The following MPP7 variants were observed in gnomAD, a reference collection of about 807,000 sequenced individuals.
MPP7 encodes the protein MAGUK p55 scaffold protein 7.
In MPP7, 60 loss-of-function variants were observed where a neutral mutation model predicts 76.5. The ratio of observed to expected loss-of-function variants is 0.78; its 90% CI spans 0.64 to 0.97. The LOEUF (loss-of-function observed/expected upper bound fraction) is 0.97, where lower values mean the gene tolerates loss of function less well. Among genes scored for constraint, MPP7 ranks in the 50% least tolerant of loss-of-function variants. MPP7 has a pLI of 0.00. For missense variants in MPP7, 641 were observed against 694.0 expected (o/e 0.92, Z 0.86); for synonymous variants, 237 against 244.5 (o/e 0.97, Z 0.29).
intron 12 of MPP7, among the ~76,000 whole-genome samples, chr10:28,081,603 T>C (rs1479643509): frequency 1.3e-5 from 2 of 152,214 alleles, no homozygotes; most frequent in African/African-American, 4.8e-5. Context: ...CAACTTGGTC[T>C]ATTATTATTT....
At chr10:28,163,461 T>C (rs775522826) in intron 3 of MPP7, among the ~76,000 whole-genome samples, 2 of 152,214 alleles carry the variant, frequency 1.3e-5, no homozygotes, top group Non-Finnish European at 2.9e-5. Flanking sequence ...GCTCACTTTT[T>C]ATTTATTTAA....
chr10:28,179,277 C>T (rs148386523), intron 3 of MPP7, among the ~76,000 whole-genome samples: 3 of 152,062 alleles, frequency 2.0e-5, no homozygotes, highest in Admixed American at 2.0e-4. Context: ...GAAAATACCC[C>T]CTTCTCTGCC....
At chr10:28,123,732 A>G (rs1333827170) in intron 8 of MPP7, among the ~76,000 whole-genome samples, 1 of 151,986 alleles carries the variant, frequency 6.6e-6, no homozygotes, top group African/African-American at 2.4e-5. Flanking sequence ...TCAGCCTCCC[A>G]AAGTGCTGGG....
chr10:28,160,153 T>C (rs1387922424), intron 3 of MPP7, among the ~76,000 whole-genome samples: 6 of 151,270 alleles, frequency 4.0e-5, no homozygotes, highest in Admixed American at 3.3e-4. Flanking sequence ...ACAATCTGCA[T>C]AGACACAGTT....
At chr10:28,231,512 G>A (rs1388547893) in intron 2 of MPP7, among the ~76,000 whole-genome samples, 2 of 150,786 alleles carry the variant, frequency 1.3e-5, no homozygotes, top group Admixed American at 1.3e-4. Flanking sequence ...TAAGAGGAGA[G>A]AGGAAGAGAG....
chr10:28,238,772 G>T, intron 1 of MPP7, 37 bp from the exon 2 acceptor site: 1 of 624,628 alleles, frequency 1.6e-6, no homozygotes, highest in Non-Finnish European at 2.8e-6. Context: ...TTTTAAAAAG[G>T]GACCATCACC....
rs115530749 is a variant in MPP7, at chr10:28,127,695, G to A, written c.448-2604C>T. ...TCCCACCAGGTCCCTCCCACGACAC[G>A]TGGTTATTATGGGAGCTACAAGATG... is the stretch of plus-strand genomic sequence containing the variant. On this transcript the variant is annotated intron_variant, in intron 6 of 16. Transcript: ENST00000683449. Among the ~76,000 whole-genome samples the A allele has an allele frequency of 1.9e-3, 295 of 152,274 alleles. 2 individuals carry two copies. Among genetic ancestry groups the A allele is most frequent in the African/African-American group, 6.7e-3 (280 of 41,542 alleles).
At chr10:28,114,714 C>T (rs1467938622) in intron 11 of MPP7, among the ~76,000 whole-genome samples, 3 of 152,184 alleles carry the variant, frequency 2.0e-5, no homozygotes, top group African/African-American at 4.8e-5. Context: ...TGCAATAATC[C>T]GCAACCACAG....
chr10:28,261,008 A>G (rs1382563075), intron 1 of MPP7, among the ~76,000 whole-genome samples: 1 of 152,194 alleles, frequency 6.6e-6, no homozygotes, highest in South Asian at 2.1e-4. Flanking sequence ...TCTTTACCAA[A>G]GCAATTAGTT....
intron 11 of MPP7, among the ~76,000 whole-genome samples, chr10:28,091,740 A>G (rs7083490): frequency 0.082 from 12,547 of 152,254 alleles, 967 homozygotes; most frequent in African/African-American, 0.2. Context: ...AAATTTTTTA[A>G]CTGTATCTCT....
chr10:28,267,902 G>T (rs1369438169), intron 1 of MPP7, among the ~76,000 whole-genome samples: 2 of 151,974 alleles, frequency 1.3e-5, no homozygotes, highest in Non-Finnish European at 2.9e-5. Flanking sequence ...CGGGCGTGCT[G>T]GTGCATGCCT....
chr10:28,070,267 C>T (rs890837706), intron 12 of MPP7, among the ~76,000 whole-genome samples: 2 of 151,994 alleles, frequency 1.3e-5, no homozygotes, highest in East Asian at 1.9e-4. Context: ...GGCATGGTGG[C>T]GGGTGCCTGT....
intron 12 of MPP7, among the ~76,000 whole-genome samples, chr10:28,078,043 T>A (rs966418166): frequency 1.3e-5 from 2 of 152,232 alleles, no homozygotes; most frequent in African/African-American, 4.8e-5. Flanking sequence ...GTCACACATC[T>A]GGCATGTGGC....
At chr10:28,301,034 G>A (rs1841143600) in intron 1 of MPP7, among the ~76,000 whole-genome samples, 7 of 151,412 alleles carry the variant, frequency 4.6e-5, no homozygotes. Flanking sequence ...AAAACCTAAC[G>A]ATTCTCTAGA....
chr10:28,280,959 C>A (rs1400044199), intron 1 of MPP7, among the ~76,000 whole-genome samples: 1 of 151,960 alleles, frequency 6.6e-6, no homozygotes, highest in Non-Finnish European at 1.5e-5. Context: ...AAAAGAAAAA[C>A]AAGAGTAATG....
intron 1 of MPP7, among the ~76,000 whole-genome samples, chr10:28,273,211 C>T (rs1194499364): frequency 6.6e-6 from 1 of 152,216 alleles, no homozygotes; most frequent in Non-Finnish European, 1.5e-5. Context: ...AGCCACCACA[C>T]CCAGCCCCAA....
rs1405770233 is a variant in MPP7, at chr10:28,054,167, T to C, written c.1629A>G (p.Ile543Met). ...ATGCCACAGTGAGGTCATCATTTATTATAATTTTGTCAAAAAGATGACCAT... is the reference window on the plus strand; with the variant it reads ...ATGCCACAGTGAGGTCATCATTTATCATAATTTTGTCAAAAAGATGACCAT... ...SQYGHLFDKI[I>M]INDDLTVAFN... The change falls in exon 17 of 17, where the codon ATA (isoleucine) becomes ATG (methionine). Residue 543 changes from isoleucine to methionine, a missense_variant. Physicochemically the swap from Ile to Met is conservative, Grantham distance 10. Coordinates refer to ENST00000683449, the MANE Select transcript of MPP7 (RefSeq NM_001318170.2). 5.6e-6 allele frequency: 9 copies of C among 1,607,814 alleles called. No homozygotes were observed. Among genetic ancestry groups the C allele is most frequent in the Non-Finnish European group, 7.7e-6 (9 of 1,175,514 alleles).
chr10:28,286,036 G>A (rs927261238), intron 1 of MPP7, among the ~76,000 whole-genome samples: 2 of 152,120 alleles, frequency 1.3e-5, no homozygotes, highest in African/African-American at 4.8e-5. Flanking sequence ...CAGGTCAGGA[G>A]TTGCCTATCT....
intron 6 of MPP7, among the ~76,000 whole-genome samples, chr10:28,130,711 C>A (rs1295729468): frequency 1.3e-5 from 2 of 152,162 alleles, no homozygotes; most frequent in African/African-American, 4.8e-5. Flanking sequence ...TAACAAATGT[C>A]ATTTGACTGA....
Sources: gnomAD v4.1 joint callset for allele counts (sites outside exome capture counted in the v4.1 genomes callset) on GRCh38, gnomAD v4.1.1 for gene constraint, MANE v1.5 for transcripts, NCBI Gene and HGNC (gene_info 2026-07-23, HGNC 2026-07-21) for gene names.